Variants in RAB27B observed in about 807,000 individuals in gnomAD.
RAB27B encodes the protein RAB27B, member RAS oncogene family.
A neutral mutation model predicts 24.6 loss-of-function variants in RAB27B; 15 were observed. The observed-to-expected ratio is 0.61, with a 90% CI of 0.41 to 0.94. The LOEUF (loss-of-function observed/expected upper bound fraction) is 0.94, where lower values mean the gene tolerates loss of function less well. RAB27B is among the 40% of genes least tolerant of loss of function. RAB27B has a pLI of 0.00. For synonymous variants in RAB27B, 105 were observed against 92.5 expected (o/e 1.14, Z -0.78); for missense variants, 261 against 266.8 (o/e 0.98, Z 0.15).
chr18:54,750,852 A>G (rs1907809383), intron 2 of RAB27B, among the ~76,000 whole-genome samples: 2 of 152,224 alleles, frequency 1.3e-5, no homozygotes, highest in African/African-American at 4.8e-5. Context: ...TGTAACAGAA[A>G]TGAGTCTTAG....
chr18:54,827,951 A>C (rs1408811502), upstream of RAB27B, among the ~76,000 whole-genome samples: 1 of 152,182 alleles, frequency 6.6e-6, no homozygotes, highest in Non-Finnish European at 1.5e-5. Flanking sequence ...GTGGTAACCT[A>C]TTGATCTCTG....
intron 1 of RAB27B, among the ~76,000 whole-genome samples, chr18:54,870,441 T>G (rs1321151834): frequency 6.6e-6 from 1 of 152,108 alleles, no homozygotes. Flanking sequence ...AATTTTCAAT[T>G]AAAATCAGAA....
chr18:54,729,913 A>T (rs13381004), intron 2 of RAB27B, among the ~76,000 whole-genome samples: 1 of 152,272 alleles, frequency 6.6e-6, no homozygotes, highest in East Asian at 1.9e-4. Context: ...TTCAGTTAAT[A>T]CCATTTGCCT....
intron 2 of RAB27B, among the ~76,000 whole-genome samples, chr18:54,759,873 C>T (rs965464915): frequency 1.1e-4 from 16 of 152,174 alleles, no homozygotes; most frequent in Non-Finnish European, 2.4e-4. Flanking sequence ...CACCTTCCCA[C>T]TCCATCCCCT....
At chr18:54,824,306 G>A (rs145392527), upstream of RAB27B, among the ~76,000 whole-genome samples, 241 of 152,214 alleles carry the variant, frequency 1.6e-3, no homozygotes, top group African/African-American at 5.5e-3. Context: ...AGCACACTCC[G>A]TACCTATTGT....
At position 54,871,198 on chromosome 18, in the gene RAB27B, T is replaced by TA. The variant is rs748264917; in HGVS notation, c.-19-6361dup. On this transcript the variant is annotated intron_variant, in intron 1 of 5. Coordinates refer to ENST00000262094, the MANE Select transcript of RAB27B (RefSeq NM_004163.4). ...CTGCCTTCCTAATAGAACAAAATGC[T>TA]AAAAAAAATACACTAAAGAAGCTTC... is the stretch of plus-strand genomic sequence containing the variant. Among the ~76,000 whole-genome samples the TA allele has an allele frequency of 2.4e-3, 367 of 152,006 alleles. 3 individuals carry two copies. Among genetic ancestry groups the TA allele is most frequent in the East Asian group, 0.011 (59 of 5,174 alleles).
chr18:54,774,823 T>A (rs901679020), intron 2 of RAB27B, among the ~76,000 whole-genome samples: 2 of 152,252 alleles, frequency 1.3e-5, no homozygotes, highest in Non-Finnish European at 1.5e-5. Flanking sequence ...TACAGAACTT[T>A]CCTGTATCTG....
intron 2 of RAB27B, among the ~76,000 whole-genome samples, chr18:54,735,375 A>G (rs1258831971): frequency 6.6e-6 from 1 of 152,218 alleles, no homozygotes; most frequent in African/African-American, 2.4e-5. Flanking sequence ...CTCAGTAACT[A>G]CACTTTCTGA....
chr18:54,802,273 T>A (rs1206638893), intron 2 of RAB27B, among the ~76,000 whole-genome samples: 1 of 152,220 alleles, frequency 6.6e-6, no homozygotes, highest in Non-Finnish European at 1.5e-5. Flanking sequence ...GAGGTTGTAC[T>A]CCTGAGATGA....
intron 2 of RAB27B, among the ~76,000 whole-genome samples, chr18:54,773,064 T>TTA (rs1908602195): frequency 6.6e-6 from 1 of 152,182 alleles, no homozygotes; most frequent in Non-Finnish European, 1.5e-5. Context: ...TTTTTTTTTT[T>TTA]AAATCTTCAC....
In RAB27B at chr18:54,891,060, C is replaced by G. The variant is rs1309272089; in HGVS notation, c.*1647C>G. ...TCGTATAGATTTTTTCCAATCAAAC[C>G]TACTTTTTCCATACTCTGTGCATAT... On this transcript the variant is annotated 3_prime_UTR_variant, in exon 6 of 6. Coordinates refer to ENST00000262094, the MANE Select transcript of RAB27B (RefSeq NM_004163.4). 2 of 151,596 alleles carry G rather than the reference C, an allele frequency of 1.3e-5. No homozygotes were observed. Among genetic ancestry groups the G allele is most frequent in the African/African-American group, 4.8e-5 (2 of 41,268 alleles). 9.4% of individuals were successfully genotyped at this position (151,596 alleles called of 1,614,324 possible). A position where few individuals can be genotyped will look rare whatever the true frequency, so the allele number is the denominator to read the frequency against.
At chr18:54,736,348 A>G (rs77156443) in intron 2 of RAB27B, among the ~76,000 whole-genome samples, 4,381 of 152,286 alleles carry the variant, frequency 0.029, 118 homozygotes, top group South Asian at 0.1. Context: ...ATCTAATTGG[A>G]TGTTATTAAA....
chr18:54,814,360 G>A (rs1399519136), intron 2 of RAB27B, among the ~76,000 whole-genome samples: 3 of 152,166 alleles, frequency 2.0e-5, no homozygotes, highest in Non-Finnish European at 2.9e-5. Flanking sequence ...GTATTTGTTT[G>A]AACATTAATG....
chr18:54,794,747 C>A (rs979576168), intron 2 of RAB27B, among the ~76,000 whole-genome samples: 1 of 152,128 alleles, frequency 6.6e-6, no homozygotes, highest in African/African-American at 2.4e-5. Context: ...GAAGTGGTCC[C>A]GTTTAGAGTG....
At chr18:54,806,255 C>A (rs1477668441) in intron 2 of RAB27B, among the ~76,000 whole-genome samples, 2 of 152,014 alleles carry the variant, frequency 1.3e-5, no homozygotes, top group East Asian at 3.9e-4. Flanking sequence ...TGGCTAGTAT[C>A]TGAATCATCT....
At chr18:54,721,876 A>G (rs1909369964) in intron 2 of RAB27B, among the ~76,000 whole-genome samples, 2 of 152,190 alleles carry the variant, frequency 1.3e-5, no homozygotes, top group South Asian at 4.1e-4. Flanking sequence ...ATCCAGGTGA[A>G]AAAGTTAGCC....
At chr18:54,718,885 G>T (rs377130257) in intron 2 of RAB27B, among the ~76,000 whole-genome samples, 3 of 152,152 alleles carry the variant, frequency 2.0e-5, no homozygotes, top group African/African-American at 4.8e-5. Flanking sequence ...TGCATTCAAG[G>T]CTCTTTTAAT....
In RAB27B at chr18:54,758,586, G is replaced by A. The variant is rs1474059129; in HGVS notation, c.-20+40445G>A. Reference sequence around the variant, plus strand: ...GATGGCTTTTAAAGGTTGTGCAGTTGGTAGACAATGATGTCTCTCTCTCCA... The same window carrying A: ...GATGGCTTTTAAAGGTTGTGCAGTTAGTAGACAATGATGTCTCTCTCTCCA... On this transcript the variant is annotated intron_variant, in intron 2 of 4. Coordinates refer to the RAB27B transcript ENST00000586570. Among the ~76,000 whole-genome samples, 4 of 150,456 alleles carry A rather than the reference G, an allele frequency of 2.7e-5. No homozygotes were observed. The East Asian group carries it at 7.8e-4, about 29-fold the overall frequency.
intron 2 of RAB27B, among the ~76,000 whole-genome samples, chr18:54,744,369 T>C (rs1162824260): frequency 4.6e-5 from 7 of 152,224 alleles, no homozygotes; most frequent in African/African-American, 1.2e-4. Context: ...ACTGATATTC[T>C]AGCATTTTGA....
Sources: allele counts gnomAD v4.1 joint callset (sites outside exome capture counted in the v4.1 genomes callset), GRCh38; gene constraint gnomAD v4.1.1; transcripts MANE v1.5; gene names NCBI Gene and HGNC (gene_info 2026-07-23, HGNC 2026-07-21).